Variants in PCDHA6 observed in about 807,000 individuals in gnomAD.
PCDHA6 encodes protocadherin alpha 6.
Under a neutral mutation model 60.3 loss-of-function variants are expected in PCDHA6, and 55 were observed. The ratio of observed to expected loss-of-function variants is 0.91; its 90% CI spans 0.73 to 1.14. The LOEUF (loss-of-function observed/expected upper bound fraction) is 1.14, where lower values mean the gene tolerates loss of function less well. Among genes scored for constraint, PCDHA6 ranks in the 50% most tolerant of loss-of-function variants. The pLI is 0.00. For missense variants in PCDHA6, 1,327 were observed against 1,256.5 expected (o/e 1.06, Z -0.85); for synonymous variants, 652 against 557.9 (o/e 1.17, Z -2.38).
At chr5:140,850,125 C>T (rs2041366317) in intron 1 of PCDHA6, 1 of 1,596,002 alleles carries the variant, frequency 6.3e-7, no homozygotes, top group Non-Finnish European at 8.6e-7. Context: ...GGGCGTGCCG[C>T]CTCTGGGCAG....
intron 1 of PCDHA6, among the ~76,000 whole-genome samples, chr5:140,833,426 G>T (rs1488860880): frequency 1.3e-5 from 2 of 152,166 alleles, no homozygotes; most frequent in Admixed American, 6.5e-5. Flanking sequence ...ATGTGAGATG[G>T]CTGAGCACTG....
intron 1 of PCDHA6, among the ~76,000 whole-genome samples, chr5:140,954,107 C>G (rs1375819333): frequency 2.0e-5 from 3 of 152,182 alleles, no homozygotes; most frequent in Admixed American, 1.3e-4. Flanking sequence ...CTGCAAAGGA[C>G]AAGATCTTGT....
At chr5:140,865,318 CT>C (rs1554159374) in intron 1 of PCDHA6, 1 of 152,042 alleles carries the variant, frequency 6.6e-6, no homozygotes, top group Non-Finnish European at 1.5e-5. Flanking sequence ...ATGAGATGGC[CT>C]TTAATTCTGT....
At chr5:140,870,977 T>C in intron 1 of PCDHA6, 2 of 1,613,584 alleles carry the variant, frequency 1.2e-6, no homozygotes. Context: ...CGCGTGGGGC[T>C]GTACACGGGC....
At chr5:140,917,117 C>A (rs1318149439) in intron 1 of PCDHA6, among the ~76,000 whole-genome samples, 1 of 152,018 alleles carries the variant, frequency 6.6e-6, no homozygotes, top group Non-Finnish European at 1.5e-5. Flanking sequence ...CCTCCAAGTG[C>A]GCAGACTCCC....
At chr5:140,915,622 T>TTCTC (rs1418940406) in intron 1 of PCDHA6, among the ~76,000 whole-genome samples, 2 of 128,520 alleles carry the variant, frequency 1.6e-5, no homozygotes, top group South Asian at 2.5e-4. Flanking sequence ...AACAGTCTCT[T>TTCTC]TCTGTCTCTC....
At chr5:140,947,811 A>G (rs1554218329) in intron 1 of PCDHA6, among the ~76,000 whole-genome samples, 1 of 151,582 alleles carries the variant, frequency 6.6e-6, no homozygotes, top group Admixed American at 6.6e-5. Flanking sequence ...TGCAGAGACT[A>G]TTTCTTCCTT....
Position 140,883,115 on chromosome 5 carries a change from AGGCCTGTAT to A in PCDHA6, c.2394+52637_2394+52645del, listed in dbSNP as rs2059447979. The A allele has an allele frequency of 1.9e-6, 3 of 1,613,978 alleles. No homozygotes were observed. The South Asian group carries it at 3.3e-5, about 18-fold the overall frequency. ...TGGAGATATAGTTTACTCATTTAGA[AGGCCTGTAT>A]GGCCTGCAGTGGTATATGCATTTAC... On this transcript the variant is annotated intron_variant, in intron 1 of 3. Transcript: ENST00000529310.
chr5:140,927,235 C>T (rs1478545930), intron 1 of PCDHA6: 7 of 1,614,034 alleles, frequency 4.3e-6, no homozygotes, highest in Non-Finnish European at 5.9e-6. Flanking sequence ...GATTCACGTC[C>T]TGGACACCAA....
chr5:140,944,310 C>T (rs1036800359), intron 1 of PCDHA6, among the ~76,000 whole-genome samples: 6 of 152,132 alleles, frequency 3.9e-5, no homozygotes, highest in Non-Finnish European at 7.4e-5. Flanking sequence ...ACCTCAGCCT[C>T]CTGAGTAGCT....
intron 1 of PCDHA6, among the ~76,000 whole-genome samples, chr5:140,924,901 AAAAATAAAATAAAAT>A (rs10667761): frequency 2.0e-3 from 158 of 80,494 alleles, no homozygotes; most frequent in African/African-American, 5.2e-3. Context: ...TCTCAAAAAA[AAAAATAAAATAAAAT>A]AAAATAAAAT....
intron 1 of PCDHA6, chr5:140,842,380 T>A (rs1777905222): frequency 6.2e-7 from 1 of 1,610,180 alleles, no homozygotes; most frequent in Non-Finnish European, 8.5e-7. Context: ...TAGCACTGAC[T>A]TCCTTATCCT....
chr5:140,877,150 G>A (rs370292278), intron 1 of PCDHA6: 11 of 1,613,672 alleles, frequency 6.8e-6, no homozygotes, highest in Admixed American at 3.3e-5. Context: ...GGACGAGAAC[G>A]ACAACGCGCC....
At chr5:140,839,657 C>T (rs1377824888) in intron 1 of PCDHA6, among the ~76,000 whole-genome samples, 2 of 152,010 alleles carry the variant, frequency 1.3e-5, no homozygotes, top group East Asian at 1.9e-4. Context: ...AAATTGTTTG[C>T]TACTATTTAG....
At chr5:140,985,729 T>C (rs1314785007) in intron 3 of PCDHA6, among the ~76,000 whole-genome samples, 2 of 149,858 alleles carry the variant, frequency 1.3e-5, no homozygotes, top group Non-Finnish European at 3.0e-5. Flanking sequence ...TTTCCTTCAC[T>C]GATGAATTCC....
chr5:140,977,077 C>A (rs1303374839), intron 1 of PCDHA6, among the ~76,000 whole-genome samples: 1 of 152,138 alleles, frequency 6.6e-6, no homozygotes, highest in Non-Finnish European at 1.5e-5. Context: ...AGCAGCATGA[C>A]AAATTAAATG....
At position 140,829,046 on chromosome 5, in the gene PCDHA6, C is replaced by G. The variant is rs1182116205; in HGVS notation, c.955C>G (p.Leu319Val). The G allele has an allele frequency of 6.2e-7, 1 of 1,612,782 alleles. No individual in the cohort carries two copies. Among genetic ancestry groups the G allele is most frequent in the African/African-American group, 1.3e-5 (1 of 74,864 alleles). Residue 319 changes from leucine to valine, a missense_variant, in exon 1 of 4, where the codon CTC becomes GTC. Leu to Val is a conservative substitution (Grantham distance 32). Transcript: ENST00000529310. ...DFEQENLYKI[L>V]IDATDKGHPP... ...TGAACAAGAAAACTTATACAAAATCCTCATTGACGCCACGGACAAAGGCCA... is the reference window on the plus strand; with the variant it reads ...TGAACAAGAAAACTTATACAAAATCGTCATTGACGCCACGGACAAAGGCCA...
intron 1 of PCDHA6, among the ~76,000 whole-genome samples, chr5:140,931,344 A>G (rs1233861770): frequency 6.6e-6 from 1 of 151,910 alleles, no homozygotes; most frequent in East Asian, 1.9e-4. Flanking sequence ...GGAGTGAGGA[A>G]TTTTTTTTAG....
chr5:140,939,560 T>C (rs2153641939), intron 1 of PCDHA6, among the ~76,000 whole-genome samples: 1 of 151,934 alleles, frequency 6.6e-6, no homozygotes, highest in African/African-American at 2.4e-5. Flanking sequence ...TGTATTAGTT[T>C]GGTTAATCAA....
Sources: gnomAD v4.1 joint callset for allele counts (sites outside exome capture counted in the v4.1 genomes callset) on GRCh38, gnomAD v4.1.1 for gene constraint, MANE v1.5 for transcripts, NCBI Gene and HGNC (gene_info 2026-07-23, HGNC 2026-07-21) for gene names.